The following COL24A1 variants were observed in gnomAD, a reference collection of about 807,000 sequenced individuals.
The protein encoded by COL24A1 is collagen alpha-1(XXIV) chain.
COL24A1 carries 224 observed loss-of-function variants against 253.9 expected under a neutral mutation model. The ratio of observed to expected loss-of-function variants is 0.88; its 90% CI spans 0.79 to 0.99. The LOEUF (loss-of-function observed/expected upper bound fraction) is 0.99, where lower values mean the gene tolerates loss of function less well. Among genes scored for constraint, COL24A1 ranks in the 50% least tolerant of loss-of-function variants. COL24A1 has a pLI of 0.00. For synonymous variants in COL24A1, 685 were observed against 673.7 expected (o/e 1.02, Z -0.26); for missense variants, 2,131 against 2,068.5 (o/e 1.03, Z -0.59).
chr1:85,781,084 C>A (rs1669090841), intron 52 of COL24A1, 136 bp downstream of exon 52: 3 of 606,252 alleles, frequency 4.9e-6, no homozygotes, highest in Non-Finnish European at 8.2e-6. Context: ...TCTCAGGAAT[C>A]ATTTTCCAGA....
chr1:86,060,161 G>A (rs1700976171), intron 8 of COL24A1, among the ~76,000 whole-genome samples: 2 of 152,100 alleles, frequency 1.3e-5, no homozygotes, highest in African/African-American at 4.8e-5. Context: ...AGAACTGGGT[G>A]AAAAAGTGAG....
chr1:85,829,121 G>A (rs893963951), intron 43 of COL24A1, among the ~76,000 whole-genome samples: 2 of 149,886 alleles, frequency 1.3e-5, no homozygotes, highest in Non-Finnish European at 3.0e-5. Flanking sequence ...CAGGCCTGGT[G>A]GTGACAAAAT....
chr1:85,936,151 G>A, intron 24 of COL24A1, among the ~76,000 whole-genome samples: 1 of 120,210 alleles, frequency 8.3e-6, no homozygotes, highest in East Asian at 4.3e-4. Flanking sequence ...CAAAGTCAGG[G>A]TCTTGGTTAG....
At chr1:86,015,113 A>G (rs1696874011) in intron 19 of COL24A1, among the ~76,000 whole-genome samples, 1 of 152,216 alleles carries the variant, frequency 6.6e-6, no homozygotes, top group African/African-American at 2.4e-5. Flanking sequence ...TTAAAAGCCT[A>G]ATGTTGACAA....
chr1:85,784,287 C>CA lies in COL24A1; in HGVS notation c.4138dup (p.Cys1380LeufsTer28). On this transcript the variant is annotated frameshift_variant, in exon 49 of 60. Coordinates refer to ENST00000370571, the MANE Select transcript of COL24A1 (RefSeq NM_152890.7). LOFTEE classifies it high-confidence loss of function. ...CTGCCCTTTCAGGCCAGGGTCTCCA[C>CA]ATGGTCCTTGATCACCTTGTGCTCC... is the stretch of plus-strand genomic sequence containing the variant. The CA allele has an allele frequency of 6.2e-7, 1 of 1,614,086 alleles. No homozygotes were observed. Among genetic ancestry groups the CA allele is most frequent in the Non-Finnish European group, 8.5e-7 (1 of 1,179,960 alleles).
intron 4 of COL24A1, among the ~76,000 whole-genome samples, chr1:86,113,425 A>G (rs902415205): frequency 2.6e-5 from 4 of 152,210 alleles, no homozygotes; most frequent in Admixed American, 6.5e-5. Flanking sequence ...CATATAGTTA[A>G]TAATTATTTG....
chr1:86,025,736 T>C (rs1219892000), intron 14 of COL24A1, among the ~76,000 whole-genome samples: 1 of 152,174 alleles, frequency 6.6e-6, no homozygotes. Flanking sequence ...ATTCCTTCCA[T>C]TCTGCTCCCA....
chr1:85,809,348 A>C (rs991094378), intron 47 of COL24A1, among the ~76,000 whole-genome samples: 2 of 152,148 alleles, frequency 1.3e-5, no homozygotes, highest in African/African-American at 4.8e-5. Flanking sequence ...GGTTAATTTT[A>C]AGGTGGGACT....
intron 1 of COL24A1, 48 bp downstream of exon 1, chr1:86,156,293 A>G (rs1281386007): frequency 6.5e-7 from 1 of 1,544,722 alleles, no homozygotes; most frequent in Admixed American, 1.8e-5. Flanking sequence ...GGGGGTGGAG[A>G]GAGGGGTTGG....
At chr1:86,124,598 A>G (rs1647942755) in intron 3 of COL24A1, among the ~76,000 whole-genome samples, 1 of 151,948 alleles carries the variant, frequency 6.6e-6, no homozygotes, top group African/African-American at 2.4e-5. Context: ...CCACTACTTC[A>G]CCAGAATTAA....
intron 14 of COL24A1, among the ~76,000 whole-genome samples, chr1:86,024,521 G>A (rs1013041771): frequency 1.3e-5 from 2 of 152,088 alleles, no homozygotes; most frequent in African/African-American, 4.8e-5. Flanking sequence ...ACATCATATG[G>A]ATGAGTCTTA....
intron 32 of COL24A1, among the ~76,000 whole-genome samples, chr1:85,884,664 AG>A (rs1005544594): frequency 3.3e-5 from 5 of 152,194 alleles, no homozygotes; most frequent in Non-Finnish European, 5.9e-5. Context: ...TGAAGGCTAG[AG>A]GGAGGTGAAA....
chr1:85,851,094 C>T (rs961587040), intron 37 of COL24A1, among the ~76,000 whole-genome samples: 4 of 151,250 alleles, frequency 2.6e-5, no homozygotes, highest in Non-Finnish European at 4.4e-5. Flanking sequence ...CCCTTTTTCC[C>T]TACTCAGGTG....
chr1:85,976,635 G>A (rs1305840418), intron 20 of COL24A1, among the ~76,000 whole-genome samples: 2 of 152,118 alleles, frequency 1.3e-5, no homozygotes, highest in South Asian at 2.1e-4. Flanking sequence ...ACTTATTCTG[G>A]CCAACTTAGG....
At chr1:85,858,053 T>C (rs960006527) in intron 37 of COL24A1, among the ~76,000 whole-genome samples, 3 of 152,238 alleles carry the variant, frequency 2.0e-5, no homozygotes, top group African/African-American at 7.2e-5. Flanking sequence ...GCTATGCCTC[T>C]AAAATATGTC....
intron 2 of COL24A1, among the ~76,000 whole-genome samples, chr1:86,133,679 C>A (rs1649702088): frequency 1.3e-5 from 2 of 152,154 alleles, no homozygotes; most frequent in Admixed American, 1.3e-4. Flanking sequence ...TTGAACCAGC[C>A]TTGCATCCCA....
chr1:85,745,458 T>C lies in COL24A1; in HGVS notation c.4486A>G (p.Thr1496Ala), dbSNP rs754046703. 30 of 1,609,222 alleles carry C rather than the reference T, an allele frequency of 1.9e-5. No individual in the cohort carries two copies. The highest frequency in any genetic ancestry group is 5.1e-5 in the Admixed American group (3 of 59,370). Residue 1496 changes from threonine (T) to alanine (A), a missense_variant, in exon 56 of 60, where the codon ACT becomes GCT. Thr to Ala is a moderately conservative substitution (Grantham distance 58). Transcript: ENST00000370571. The stretch of plus-strand genomic sequence containing the variant: ...TATGTTACCTCCATCTGTAGGGCAG[T>C]ATTTGATTCAATCAAGGCTTGAATA... Reference protein sequence around the residue: ...AAIQALIESNTALQMESYQNT... With the variant: ...AAIQALIESNAALQMESYQNT...
chr1:85,905,678 G>C (rs1240179019), intron 28 of COL24A1, among the ~76,000 whole-genome samples: 2 of 151,988 alleles, frequency 1.3e-5, no homozygotes, highest in African/African-American at 4.8e-5. Flanking sequence ...TCCTTGGGGA[G>C]GTAGGAATTG....
intron 12 of COL24A1, among the ~76,000 whole-genome samples, chr1:86,042,502 A>G (rs1699578344): frequency 1.3e-5 from 2 of 152,164 alleles, no homozygotes; most frequent in African/African-American, 4.8e-5. Flanking sequence ...ATTTGAACAT[A>G]CCATTATGAG....
Sources: gnomAD v4.1 joint callset for allele counts (sites outside exome capture counted in the v4.1 genomes callset) on GRCh38, gnomAD v4.1.1 for gene constraint, MANE v1.5 for transcripts, NCBI Gene and HGNC (gene_info 2026-07-23, HGNC 2026-07-21) for gene names.